Variants in LRP12 observed in about 807,000 individuals in gnomAD.
LRP12 encodes the protein low-density lipoprotein receptor-related protein 12.
A neutral mutation model predicts 66.0 loss-of-function variants in LRP12; 14 were observed. That is an observed-to-expected ratio of 0.21 (90% CI 0.14 to 0.33). The LOEUF (loss-of-function observed/expected upper bound fraction) is 0.33. Ranked by LOEUF, LRP12 falls within the 10% of genes least tolerant of loss-of-function variation. The pLI is 1.00. For synonymous variants in LRP12, 357 were observed against 359.1 expected (o/e 0.99, Z 0.07); for missense variants, 889 against 1,053.4 (o/e 0.84, Z 2.16).
intron 1 of LRP12, among the ~76,000 whole-genome samples, chr8:104,553,253 G>A (rs1811754448): frequency 6.6e-6 from 1 of 152,180 alleles, no homozygotes; most frequent in South Asian, 2.1e-4. Context: ...AAAATGGGGA[G>A]TGCAGATACA....
At chr8:104,504,319 T>A (rs1214736054) in intron 3 of LRP12, 1 of 152,132 alleles carries the variant, frequency 6.6e-6, no homozygotes, top group Non-Finnish European at 1.5e-5. Context: ...TTTTATTGAA[T>A]TTTATTGCGT....
Position 104,564,805 on chromosome 8 carries a change from C to T in LRP12, c.79+24014G>A, listed in dbSNP as rs547104973. Among the ~76,000 whole-genome samples, 27 of 151,882 alleles carry T rather than the reference C, an allele frequency of 1.8e-4. No homozygotes were observed. The South Asian group carries it at 1.9e-3, about 11-fold the overall frequency. On this transcript the variant is annotated intron_variant, in intron 1 of 6. Coordinates refer to ENST00000276654, the MANE Select transcript of LRP12 (RefSeq NM_013437.5). ...AAAATTAGCTGGGCATGGTGGCACA[C>T]GCCTGTAGTCCCAGCTACTAGGGAG...
At chr8:104,500,631 A>G (rs1810813190) in intron 3 of LRP12, among the ~76,000 whole-genome samples, 1 of 152,234 alleles carries the variant, frequency 6.6e-6, no homozygotes, top group Non-Finnish European at 1.5e-5. Flanking sequence ...TGAACCTGGG[A>G]GACAGAGTTT....
At position 104,497,942 on chromosome 8, in the gene LRP12, C is replaced by T. The variant is rs773605030; in HGVS notation, c.610G>A (p.Ala204Thr). The change falls in exon 5 of 7, where the codon GCA becomes ACA. Residue 204 changes from alanine (A) to threonine (T), a missense_variant. Around this residue, in one of 3 missense-constraint regions of LRP12, gnomAD observed 800 missense variants for 964.5 expected, o/e 0.83. Coordinates refer to ENST00000276654, the MANE Select transcript of LRP12 (RefSeq NM_013437.5). The surrounding 1 kb of genome is among the most constrained non-coding windows in gnomAD (Gnocchi z 4.3). ...AAAGCAGCAGCAGTTGGAGGATTTGCTTCTTTGGCACAGATCTCTTCATCG... is the reference window on the plus strand; with the variant it reads ...AAAGCAGCAGCAGTTGGAGGATTTGTTTCTTTGGCACAGATCTCTTCATCG... ...SSDEEICAKE[A>T]NPPTAAAFQP... The T allele has an allele frequency of 1.9e-6, 3 of 1,614,154 alleles. 1 individual carries two copies. In the South Asian group the frequency reaches 3.3e-5, roughly 18 times the overall value.
chr8:104,497,938 T>C lies in LRP12; in HGVS notation c.614A>G (p.Asn205Ser), dbSNP rs1248940154. The C allele has an allele frequency of 6.2e-7, 1 of 1,614,102 alleles. No homozygotes were observed. The highest frequency in any genetic ancestry group is 1.1e-5 in the South Asian group (1 of 91,084). ...SDEEICAKEA[N>S]PPTAAAFQPC... The stretch of plus-strand genomic sequence containing the variant: ...TTGAAAAGCAGCAGCAGTTGGAGGA[T>C]TTGCTTCTTTGGCACAGATCTCTTC... Residue 205 changes from asparagine to serine, a missense_variant, in exon 5 of 7, where the codon AAT (asparagine) becomes AGT (serine). Physicochemically the swap from Asn to Ser is conservative, Grantham distance 46. Around this residue, in one of 3 missense-constraint regions of LRP12, gnomAD observed 800 missense variants for 964.5 expected, o/e 0.83. Coordinates refer to ENST00000276654, the MANE Select transcript of LRP12 (RefSeq NM_013437.5). This position sits in a 1 kb window ranked among gnomAD's most constrained non-coding sequence, Gnocchi z 4.3.
chr8:104,543,762 A>C lies in LRP12; in HGVS notation c.80-11799T>G, dbSNP rs1290783919. Reference sequence around the variant, plus strand: ...CATGGTGAAACCCTGTTTCTACTGAAAACACAAAAATGAGCTAGGCGTGGT... The same window carrying C: ...CATGGTGAAACCCTGTTTCTACTGACAACACAAAAATGAGCTAGGCGTGGT... On this transcript the variant is annotated intron_variant, in intron 1 of 6. Transcript: ENST00000276654. Among the ~76,000 whole-genome samples the C allele has an allele frequency of 3.3e-5, 5 of 152,252 alleles. No homozygotes were observed. In the East Asian group the frequency reaches 9.7e-4, roughly 29 times the overall value.
intron 2 of LRP12, among the ~76,000 whole-genome samples, chr8:104,514,175 A>T (rs77818878): frequency 6.6e-6 from 1 of 152,118 alleles, no homozygotes; most frequent in Admixed American, 6.5e-5. Flanking sequence ...GGCCTGTTTT[A>T]TCTCTTACAC....
intron 3 of LRP12, chr8:104,504,132 CCAATT>C (rs1179975052): frequency 2.0e-5 from 3 of 151,980 alleles, no homozygotes; most frequent in Non-Finnish European, 2.9e-5. Context: ...AAAAAATAAT[CCAATT>C]CATCTACTTG....
chr8:104,542,273 C>A (rs555176606), intron 1 of LRP12, among the ~76,000 whole-genome samples: 1 of 152,162 alleles, frequency 6.6e-6, no homozygotes, highest in Admixed American at 6.6e-5. Flanking sequence ...ATGTGCTTAA[C>A]AGCCACTTAT....
intron 1 of LRP12, among the ~76,000 whole-genome samples, chr8:104,537,277 G>A (rs1042029189): frequency 1.3e-5 from 2 of 151,960 alleles, no homozygotes; most frequent in African/African-American, 4.8e-5. Flanking sequence ...TCAGGCAACA[G>A]AAACATTGAG....
chr8:104,573,962 G>A (rs1037688981), intron 1 of LRP12, among the ~76,000 whole-genome samples: 1 of 152,108 alleles, frequency 6.6e-6, no homozygotes, highest in African/African-American at 2.4e-5. Flanking sequence ...CATTAGCAAG[G>A]TGGTATGCCC....
chr8:104,588,679 C>T, intron 1 of LRP12, 140 bp downstream of exon 1: 1 of 604,400 alleles, frequency 1.7e-6, no homozygotes, highest in Non-Finnish European at 2.9e-6. Context: ...CCGCCACATC[C>T]ACCCCCTCAC....
chr8:104,504,523 T>C (rs1810876215), intron 3 of LRP12: 1 of 152,176 alleles, frequency 6.6e-6, no homozygotes, highest in African/African-American at 2.4e-5. Flanking sequence ...ATTTAAAAAA[T>C]ATTTGGTCCC....
At chr8:104,517,581 G>T (rs1005042683) in intron 2 of LRP12, among the ~76,000 whole-genome samples, 6 of 151,968 alleles carry the variant, frequency 3.9e-5, no homozygotes, top group African/African-American at 1.4e-4. Context: ...TCATCTTTTT[G>T]TACAATTTTA....
intron 2 of LRP12, among the ~76,000 whole-genome samples, chr8:104,525,990 T>C (rs939448604): frequency 6.6e-6 from 1 of 152,228 alleles, no homozygotes; most frequent in African/African-American, 2.4e-5. Context: ...AGTCTCACGA[T>C]ACAAAATCAA....
At chr8:104,578,573 C>T (rs370623658) in intron 1 of LRP12, among the ~76,000 whole-genome samples, 13 of 151,938 alleles carry the variant, frequency 8.6e-5, no homozygotes, top group East Asian at 1.9e-4. Context: ...AACCTGATGG[C>T]GGTTTTGGTA....
chr8:104,522,256 C>T (rs1811163342), intron 2 of LRP12, among the ~76,000 whole-genome samples: 1 of 151,990 alleles, frequency 6.6e-6, no homozygotes, highest in Non-Finnish European at 1.5e-5. Context: ...TTAAAGGCCA[C>T]AACTAAATTA....
chr8:104,534,368 TG>T (rs1417578590), intron 1 of LRP12, among the ~76,000 whole-genome samples: 1 of 152,012 alleles, frequency 6.6e-6, no homozygotes, highest in Admixed American at 6.6e-5. Flanking sequence ...CCTCTGGAAC[TG>T]GAATTAGAGA....
chr8:104,582,065 C>A (rs1327394283), intron 1 of LRP12, among the ~76,000 whole-genome samples: 7 of 152,180 alleles, frequency 4.6e-5, no homozygotes, highest in Non-Finnish European at 1.0e-4. Flanking sequence ...GGTTTACTCA[C>A]TTATATTTGA....
Sources: gnomAD v4.1 joint callset for allele counts (sites outside exome capture counted in the v4.1 genomes callset) on GRCh38, gnomAD v4.1.1 for gene constraint, gnomAD v4.1.1 regional missense constraint, Gnocchi (gnomAD v3.1) non-coding constraint, MANE v1.5 for transcripts, NCBI Gene and HGNC (gene_info 2026-07-23, HGNC 2026-07-21) for gene names.